Variants in FAT3 observed in about 807,000 individuals in gnomAD.
FAT3 encodes the protein protocadherin Fat 3.
Under a neutral mutation model 310.2 loss-of-function variants are expected in FAT3, and 95 were observed. That is an observed-to-expected ratio of 0.31 (90% CI 0.26 to 0.36). The LOEUF (loss-of-function observed/expected upper bound fraction) is 0.36, where lower values mean the gene tolerates loss of function less well. Ranked by LOEUF, FAT3 falls within the 10% of genes least tolerant of loss-of-function variation. The probability of loss-of-function intolerance (pLI) is 1.00; values close to 1 mark genes in which losing one functional copy is unlikely to be tolerated. For synonymous variants in FAT3, 2,314 were observed against 2,192.9 expected, an observed-to-expected ratio of 1.06 and a Z score of -1.54; for missense variants, 5,408 against 5,715.6, an observed-to-expected ratio of 0.95 and a Z score of 1.74.
Position 92,224,922 on chromosome 11 carries a change from C to T in FAT3, c.-270C>T, listed in dbSNP as rs1863837848. 6.6e-6 allele frequency among the ~76,000 whole-genome samples: 1 copy of T among 152,162 alleles called. No homozygotes were observed. ...CGGATTGGGATCTCGCGCCTCCCGT[C>T]CCTCTCCTCCCGCTGCTGTTCTCTT... On this transcript the variant is annotated 5_prime_UTR_variant, in exon 1 of 28. Transcript: ENST00000525166.
chr11:92,537,517 GGGTA>G (rs1338084027), intron 3 of FAT3, among the ~76,000 whole-genome samples: 2 of 152,050 alleles, frequency 1.3e-5, no homozygotes, highest in Non-Finnish European at 2.9e-5. Context: ...AGTTAGATTG[GGGTA>G]GACACTAGTT....
In FAT3 at chr11:92,798,598, C is replaced by T; in HGVS notation, c.5585C>T (p.Thr1862Ile). Residue 1862 changes from threonine to isoleucine, a missense_variant, in exon 10 of 28, where the codon ACT becomes ATT. This residue lies in a region of FAT3 where 4,588 missense variants were observed against 4,809.8 expected (regional missense o/e 0.95). Transcript: ENST00000525166. ...AGAGACAGTGGTAGCCCCCAACTGA[C>T]TGCAGAGAGTCCCGTTGAAGTCAAC... ...HVRDSGSPQLTAESPVEVNIE... is the reference protein window; with the variant it reads ...HVRDSGSPQLIAESPVEVNIE... 3 of 1,613,882 alleles carry T rather than the reference C, an allele frequency of 1.9e-6. No individual in the cohort carries two copies. Among genetic ancestry groups the T allele is most frequent in the Non-Finnish European group, 2.5e-6 (3 of 1,179,858 alleles).
At chr11:92,770,768 G>T (rs1009415910) in intron 6 of FAT3, among the ~76,000 whole-genome samples, 4 of 152,132 alleles carry the variant, frequency 2.6e-5, no homozygotes. Context: ...GAGGTGCTTC[G>T]TACCCTTCTT....
At chr11:92,533,669 G>A (rs1222673629) in intron 3 of FAT3, among the ~76,000 whole-genome samples, 1 of 152,164 alleles carries the variant, frequency 6.6e-6, no homozygotes, top group Non-Finnish European at 1.5e-5. Flanking sequence ...TGACCTGGCT[G>A]GGACCTTCCC....
At position 92,844,173 on chromosome 11, in the gene FAT3, T is replaced by C. The variant is rs1182153210; in HGVS notation, c.10806T>C (p.Asp3602=). 6.2e-7 allele frequency: 1 copy of C among 1,613,996 alleles called. No homozygotes were observed. The highest frequency in any genetic ancestry group is 8.5e-7 in the Non-Finnish European group (1 of 1,179,890). ...GCTTATTTAAAGTGAACAGTCACGA[T>C]GGGAAAATCATCGCCCTGGGAGGCC... ...QKSLFKVNSH[D]GKIIALGGLD... The change falls in exon 19 of 28, where the codon GAT becomes GAC. Residue 3602 remains aspartate (D), a synonymous_variant. Coordinates refer to ENST00000525166, the MANE Select transcript of FAT3 (RefSeq NM_001367949.2).
At chr11:92,369,405 G>A (rs1171976310) in intron 2 of FAT3, among the ~76,000 whole-genome samples, 2 of 152,178 alleles carry the variant, frequency 1.3e-5, no homozygotes, top group African/African-American at 4.8e-5. Context: ...GTTAGACCAG[G>A]TTTTAGGTTG....
chr11:92,560,711 G>C (rs1189413858), intron 3 of FAT3, among the ~76,000 whole-genome samples: 1 of 152,066 alleles, frequency 6.6e-6, no homozygotes, highest in Non-Finnish European at 1.5e-5. Flanking sequence ...TTAGTGTTGG[G>C]CTTTCTAAAT....
chr11:92,886,608 T>TA (rs1277521825), intron 24 of FAT3, among the ~76,000 whole-genome samples: 1 of 152,224 alleles, frequency 6.6e-6, no homozygotes, highest in Non-Finnish European at 1.5e-5. Flanking sequence ...TTTTAAAAGT[T>TA]ATCTCATTTA....
In FAT3 at chr11:92,502,391, A is replaced by G. The variant is rs146640644; in HGVS notation, c.3293-22243A>G. ...CTAGTTCTTTGTTCTGAGCAGGCCA[A>G]TGCATCAGGAGTATTGCATTAGAAG... On this transcript the variant is annotated intron_variant, in intron 2 of 27. Coordinates refer to ENST00000525166, the MANE Select transcript of FAT3 (RefSeq NM_001367949.2). Among the ~76,000 whole-genome samples, 893 of 152,216 alleles carry G rather than the reference A, an allele frequency of 5.9e-3. 3 individuals carry two copies. Among genetic ancestry groups the G allele is most frequent in the South Asian group, 0.018 (85 of 4,830 alleles).
Position 92,761,902 on chromosome 11 carries a change from G to T in FAT3, c.3716G>T (p.Trp1239Leu), listed in dbSNP as rs2136083830. Residue 1239 changes from tryptophan to leucine, a missense_variant, in exon 5 of 28, where the codon TGG becomes TTG. Trp to Leu is a moderately conservative substitution (Grantham distance 61). Around this residue, in one of 5 missense-constraint regions of FAT3, gnomAD observed 4,588 missense variants for 4,809.8 expected, o/e 0.95. Transcript: ENST00000525166. ...CCCTCTCCAAAACAGTCAACCATTTGGGTGGTGGTTCAGGTTCTAGATGAA... is the reference window on the plus strand; with the variant it reads ...CCCTCTCCAAAACAGTCAACCATTTTGGTGGTGGTTCAGGTTCTAGATGAA... ...GGPSPKQSTI[W>L]VVVQVLDEND... 1 of 1,613,908 alleles carries T rather than the reference G, an allele frequency of 6.2e-7. No individual in the cohort carries two copies. The highest frequency in any genetic ancestry group is 8.5e-7 in the Non-Finnish European group (1 of 1,179,872).
intron 1 of FAT3, among the ~76,000 whole-genome samples, chr11:92,240,191 GT>G (rs1864617230): frequency 6.7e-6 from 1 of 148,846 alleles, no homozygotes; most frequent in Admixed American, 6.7e-5. Context: ...AGGTTTTTTA[GT>G]TTTACATTTT....
At chr11:92,375,865 C>G (rs1440942366) in intron 2 of FAT3, among the ~76,000 whole-genome samples, 1 of 152,170 alleles carries the variant, frequency 6.6e-6, no homozygotes, top group Non-Finnish European at 1.5e-5. Context: ...TCATAGCTAA[C>G]ATCTGAAGCA....
At chr11:92,628,006 C>T (rs894418317) in intron 3 of FAT3, among the ~76,000 whole-genome samples, 1 of 152,162 alleles carries the variant, frequency 6.6e-6, no homozygotes, top group Non-Finnish European at 1.5e-5. Flanking sequence ...AATGTTGACT[C>T]GCCCAGCCAC....
chr11:92,463,373 A>G (rs191212159), intron 2 of FAT3, among the ~76,000 whole-genome samples: 3 of 152,248 alleles, frequency 2.0e-5, no homozygotes, highest in South Asian at 4.1e-4. Context: ...GAACAAGACT[A>G]CCTGTCTACA....
intron 6 of FAT3, among the ~76,000 whole-genome samples, chr11:92,768,885 A>G (rs1946388484): frequency 6.6e-6 from 1 of 152,182 alleles, no homozygotes; most frequent in South Asian, 2.1e-4. Context: ...CTAAAGAGAC[A>G]CTGAGTTACA....
Position 92,829,909 on chromosome 11 carries a change from T to C in FAT3, c.9482-1713T>C, listed in dbSNP as rs556461897. ...CCCTCAAGATATATGATTTTATTGG[T>C]TTGCTGGGAACTTGGGCTTAAGGGA... On this transcript the variant is annotated intron_variant, in intron 13 of 27. Transcript: ENST00000525166. Among the ~76,000 whole-genome samples the C allele has an allele frequency of 4.6e-5, 7 of 152,256 alleles. 1 individual carries two copies. In the South Asian group the frequency reaches 1.5e-3, roughly 32 times the overall value.
chr11:92,513,177 A>T (rs1953365801), intron 2 of FAT3, among the ~76,000 whole-genome samples: 1 of 150,194 alleles, frequency 6.7e-6, no homozygotes, highest in Non-Finnish European at 1.5e-5. Flanking sequence ...ATCTCTGTTC[A>T]TGCCATTTCA....
intron 1 of FAT3, among the ~76,000 whole-genome samples, chr11:92,303,077 C>T (rs1947039787): frequency 6.6e-6 from 1 of 152,078 alleles, no homozygotes; most frequent in Non-Finnish European, 1.5e-5. Flanking sequence ...GAAGTAGGCA[C>T]TAAATAGTGA....
intron 3 of FAT3, among the ~76,000 whole-genome samples, chr11:92,695,504 G>A (rs749039243): frequency 6.6e-6 from 1 of 151,930 alleles, no homozygotes; most frequent in Non-Finnish European, 1.5e-5. Context: ...AACTTTATGA[G>A]TACACATGTC....
Sources: allele counts gnomAD v4.1 joint callset (sites outside exome capture counted in the v4.1 genomes callset), GRCh38; gene constraint gnomAD v4.1.1; regional missense constraint gnomAD v4.1.1; transcripts MANE v1.5; gene names NCBI Gene and HGNC (gene_info 2026-07-23, HGNC 2026-07-21).